Variants in TCOF1 observed in about 807,000 individuals in gnomAD.
TCOF1 encodes the protein treacle protein.
Under a neutral mutation model 149.0 loss-of-function variants are expected in TCOF1, and 33 were observed. That is an observed-to-expected ratio of 0.22 (90% CI 0.17 to 0.30). TCOF1 has a LOEUF of 0.30. Ranked by LOEUF, TCOF1 falls within the 10% of genes least tolerant of loss-of-function variation. The pLI, the probability that TCOF1 is intolerant of heterozygous loss-of-function variation, is 1.00. For synonymous variants in TCOF1, 789 were observed against 738.8 expected, an observed-to-expected ratio of 1.07 and a Z score of -1.10; for missense variants, 1,728 against 1,840.7, an observed-to-expected ratio of 0.94 and a Z score of 1.12.
intron 6 of TCOF1, among the ~76,000 whole-genome samples, chr5:150,370,284 C>T (rs1029474962): frequency 2.0e-5 from 3 of 152,134 alleles, no homozygotes; most frequent in South Asian, 4.1e-4. Context: ...AGGAACCTGA[C>T]GTTGATGAGT....
chr5:150,392,171 C>T lies in TCOF1; in HGVS notation c.3512C>T (p.Thr1171Met), dbSNP rs757211169. Residue 1171 changes from threonine (T) to methionine (M), a missense_variant, in exon 21 of 27, where the codon ACG (threonine) becomes ATG (methionine). Physicochemically the swap from Thr to Met is moderately conservative, Grantham distance 81. This residue lies in a region of TCOF1 where 1,696 missense variants were observed against 1,765.4 expected (regional missense o/e 0.96). Transcript: ENST00000643257. ...CCCCAGGGGGCCAAGTCAGCCCACA[C>T]GCTGGGTGAGGGTGCCAGGGGAAAG... ...EGPQGAKSAH[T>M]LVGPTPSRTE... The T allele has an allele frequency of 8.7e-6, 14 of 1,613,530 alleles. No individual in the cohort carries two copies. The highest frequency in any genetic ancestry group is 4.4e-5 in the South Asian group (4 of 91,076).
chr5:150,361,041 G>C, intron 1 of TCOF1, 115 bp from the exon 2 acceptor site: 1 of 1,384,800 alleles, frequency 7.2e-7, no homozygotes, highest in Non-Finnish European at 1.0e-6. Flanking sequence ...CAGCCAAAAA[G>C]ACCCTCTTCT....
intron 19 of TCOF1, among the ~76,000 whole-genome samples, chr5:150,391,253 A>G (rs980423783): frequency 6.6e-6 from 1 of 152,198 alleles, no homozygotes; most frequent in African/African-American, 2.4e-5. Context: ...GCTAGTGGTT[A>G]TAAGAAGTAG....
At chr5:150,393,659 C>A in intron 23 of TCOF1, 107 bp downstream of exon 23, 1 of 1,429,736 alleles carries the variant, frequency 7.0e-7, no homozygotes, top group Non-Finnish European at 9.6e-7. Flanking sequence ...GTCCTGTCTG[C>A]CCCCAGAGCC....
intron 17 of TCOF1, among the ~76,000 whole-genome samples, chr5:150,385,505 C>G (rs1216885096): frequency 6.6e-6 from 1 of 152,192 alleles, no homozygotes; most frequent in Non-Finnish European, 1.5e-5. Flanking sequence ...AGTAGAATTT[C>G]TCAGTCCCCT....
At chr5:150,363,102 C>T (rs767242509) in intron 2 of TCOF1, among the ~76,000 whole-genome samples, 1 of 152,140 alleles carries the variant, frequency 6.6e-6, no homozygotes, top group Non-Finnish European at 1.5e-5. Flanking sequence ...CGGTTGGAGG[C>T]TCCCCGACTT....
Position 150,375,149 on chromosome 5 carries a change from A to G in TCOF1, c.1474A>G (p.Met492Val), listed in dbSNP as rs760921650. The G allele has an allele frequency of 8.1e-6, 13 of 1,613,594 alleles. No individual in the cohort carries two copies. Among genetic ancestry groups the G allele is most frequent in the Non-Finnish European group, 1.1e-5 (13 of 1,179,854 alleles). ...CAGTGACAGAGAGGCACTGGCAGCC[A>G]TGAATGCAGCTCAGGTGAGGCTGGA... ...SDSDREALAA[M>V]NAAQVKPLGK... Residue 492 changes from methionine to valine, a missense_variant, in exon 10 of 27, where the codon ATG becomes GTG. Physicochemically the swap from Met to Val is conservative, Grantham distance 21 (BLOSUM62 1). Around this residue, in one of 2 missense-constraint regions of TCOF1, gnomAD observed 1,696 missense variants for 1,765.4 expected, o/e 0.96. Transcript: ENST00000643257.
Position 150,393,431 on chromosome 5 carries a change from A to C in TCOF1, c.3663A>C (p.Lys1221Asn), listed in dbSNP as rs373774495. 6.2e-7 allele frequency: 1 copy of C among 1,614,002 alleles called. No homozygotes were observed. Among genetic ancestry groups the C allele is most frequent in the African/African-American group, 1.3e-5 (1 of 74,894 alleles). Residue 1221 changes from lysine (K) to asparagine (N), a missense_variant, in exon 23 of 27, where the codon AAA becomes AAC. Physicochemically the swap from Lys to Asn is moderately conservative, Grantham distance 94. Around this residue, in one of 2 missense-constraint regions of TCOF1, gnomAD observed 1,696 missense variants for 1,765.4 expected, o/e 0.96. Transcript: ENST00000643257. ...GLTPANSQAS[K>N]ATPKLDSSPS... ...CCCCAGCCAATTCCCAGGCCTCAAA[A>C]GCCACTCCCAAGCTAGACTCCAGCC...
intron 3 of TCOF1, 72 bp from the exon 4 acceptor site, chr5:150,367,772 A>G: frequency 1.3e-6 from 2 of 1,563,932 alleles, no homozygotes; most frequent in South Asian, 1.1e-5. Flanking sequence ...GTTAGGTGAG[A>G]TGAAACCTGT....
intron 3 of TCOF1, among the ~76,000 whole-genome samples, chr5:150,365,386 T>C (rs976028546): frequency 3.3e-5 from 5 of 151,884 alleles, no homozygotes; most frequent in Admixed American, 2.6e-4. Context: ...TGGATATATA[T>C]TATATATCGC....
At chr5:150,382,999 GT>G in intron 17 of TCOF1, 3 of 1,347,368 alleles carry the variant, frequency 2.2e-6, no homozygotes, top group Non-Finnish European at 3.0e-6. Context: ...CCTACTGGCT[GT>G]TTCCCCCTCA....
At chr5:150,361,924 C>G (rs557396666) in intron 2 of TCOF1, among the ~76,000 whole-genome samples, 32 of 152,222 alleles carry the variant, frequency 2.1e-4, no homozygotes, top group African/African-American at 7.0e-4. Flanking sequence ...TGTCTTTATC[C>G]AAGAGCAGTG....
chr5:150,394,282 G>A (rs1767994654), intron 23 of TCOF1: 1 of 152,484 alleles, frequency 6.6e-6, no homozygotes, highest in Non-Finnish European at 1.5e-5. Flanking sequence ...GTCACGTTTG[G>A]AGGACACTCA....
At position 150,383,699 on chromosome 5, in the gene TCOF1, G is replaced by T. The variant is rs11950303; in HGVS notation, c.2859+3967G>T. ...GAGGCTGAGGAAAGGTCCAAACGCTGGTCCCCTGGCTCCCTGTATCTCTCT... is the reference window on the plus strand; with the variant it reads ...GAGGCTGAGGAAAGGTCCAAACGCTTGTCCCCTGGCTCCCTGTATCTCTCT... On this transcript the variant is annotated intron_variant, in intron 17 of 26. Transcript: ENST00000643257. 4,881 of 1,547,910 alleles carry T rather than the reference G, an allele frequency of 3.2e-3. 143 individuals carry two copies. In the African/African-American group the frequency reaches 0.058, roughly 19 times the overall value.
At position 150,391,659 on chromosome 5, in the gene TCOF1, TGAGCTTGGG is replaced by T. The variant is rs2151032393; in HGVS notation, c.3297+7_3297+15del. On this transcript the variant is annotated splice_donor_5th_base_variant and intron_variant, in intron 20 of 26. Coordinates refer to ENST00000643257, the MANE Select transcript of TCOF1 (RefSeq NM_001371623.1). ...GCCAGGACCCAGCCTTCAAGTGGGG[TGAGCTTGGG>T]GAGCCAGGGGAAGCAAGCCCACGGA... is the stretch of plus-strand genomic sequence containing the variant. 1 of 1,612,972 alleles carries T rather than the reference TGAGCTTGGG, an allele frequency of 6.2e-7. No homozygotes were observed. The highest frequency in any genetic ancestry group is 8.5e-7 in the Non-Finnish European group (1 of 1,179,526).
chr5:150,398,408 C>G lies in TCOF1; in HGVS notation c.4400C>G (p.Thr1467Ser). ...EKKKKAKKAS[T>S]KDSESPSQKK... ...AAGAAGAAAGCAAAAAAGGCCTCAA[C>G]CAAAGATTCTGAGTCACCGTCCCAG... Residue 1467 changes from threonine (T) to serine (S), a missense_variant, in exon 25 of 27, where the codon ACC (threonine) becomes AGC (serine). Physicochemically the swap from Thr to Ser is moderately conservative, Grantham distance 58. Transcript: ENST00000643257. 4 of 1,614,124 alleles carry G rather than the reference C, an allele frequency of 2.5e-6. No homozygotes were observed. Among genetic ancestry groups the G allele is most frequent in the Non-Finnish European group, 3.4e-6 (4 of 1,180,028 alleles).
intron 17 of TCOF1, among the ~76,000 whole-genome samples, chr5:150,387,212 C>A (rs944891820): frequency 6.6e-6 from 1 of 152,254 alleles, no homozygotes; most frequent in Non-Finnish European, 1.5e-5. Context: ...GTCCCTATTT[C>A]CCTGATTGTC....
intron 12 of TCOF1, 28 bp from the exon 13 acceptor site, chr5:150,376,054 C>T (rs760780404): frequency 6.2e-6 from 10 of 1,613,650 alleles, no homozygotes; most frequent in Non-Finnish European, 8.5e-6. Context: ...CAGGAACCTT[C>T]TCCAGCCTTT....
intron 6 of TCOF1, among the ~76,000 whole-genome samples, chr5:150,369,990 C>A (rs1216749224): frequency 6.6e-6 from 1 of 152,162 alleles, no homozygotes. Context: ...CTGTCGTGGT[C>A]TGGCTAGGGC....
Sources: gnomAD v4.1 joint callset for allele counts (sites outside exome capture counted in the v4.1 genomes callset) on GRCh38, gnomAD v4.1.1 for gene constraint, gnomAD v4.1.1 regional missense constraint, MANE v1.5 for transcripts, NCBI Gene and HGNC (gene_info 2026-07-23, HGNC 2026-07-21) for gene names.